EIF3I: variants seen among roughly 807,000 people sequenced by gnomAD.
EIF3I encodes the protein TGF-beta receptor-interacting protein 1.
A neutral mutation model predicts 43.3 loss-of-function variants in EIF3I; 20 were observed. The ratio of observed to expected loss-of-function variants is 0.46; its 90% CI spans 0.32 to 0.67. The LOEUF is 0.67. EIF3I is among the 30% of genes least tolerant of loss of function. The pLI, the probability that EIF3I is intolerant of heterozygous loss-of-function variation, is 0.03. For missense variants in EIF3I, 279 were observed against 421.4 expected (o/e 0.66, Z 2.96); for synonymous variants, 167 against 151.7 (o/e 1.10, Z -0.74).
chr1:32,222,570 C>A, exon 2 of EIF3I: 4 of 1,614,152 alleles, frequency 2.5e-6, no homozygotes, highest in Non-Finnish European at 3.4e-6. Context: ...ATGAGCGGTC[C>A]ATTACGCAGA....
exon 7 of EIF3I, chr1:32,228,548 A>G (rs1182111238): frequency 1.2e-6 from 2 of 1,614,078 alleles, no homozygotes; most frequent in African/African-American, 1.3e-5. Flanking sequence ...CAGATCAACG[A>G]CATCCAGTTA....
chr1:32,229,246 T>G, intron 9 of EIF3I, 38 bp downstream of exon 9: 1 of 1,599,516 alleles, frequency 6.3e-7, no homozygotes, highest in East Asian at 2.2e-5. Flanking sequence ...TAAAATCTCA[T>G]GTGGTGTACC....
At chr1:32,228,661 G>A (rs370136849) in intron 7 of EIF3I, 52 bp downstream of exon 7, 1 of 1,605,784 alleles carries the variant, frequency 6.2e-7, no homozygotes, top group African/African-American at 1.3e-5. Flanking sequence ...CGGCTGCACA[G>A]CTCACCCTGC....
intron 4 of EIF3I, 55 bp downstream of exon 4, chr1:32,224,530 G>GT: frequency 3.6e-6 from 5 of 1,375,762 alleles, no homozygotes; most frequent in Non-Finnish European, 4.1e-6. Context: ...CAGTGTACCT[G>GT]TTTGAGTAAA....
downstream of EIF3I, among the ~76,000 whole-genome samples, chr1:32,233,626 T>C (rs587707): frequency 0.97 from 148,281 of 152,280 alleles, 72,214 homozygotes; most frequent in East Asian, 1. Flanking sequence ...ATGCTACCGA[T>C]GAGATTGAGA....
intron 2 of EIF3I, 69 bp downstream of exon 2, chr1:32,222,699 A>G (rs1639039558): frequency 6.0e-6 from 9 of 1,506,552 alleles, no homozygotes; most frequent in Non-Finnish European, 8.3e-6. Flanking sequence ...TGGACACGCC[A>G]GTTTTGCCGT....
At chr1:32,226,302 C>A in exon 5 of EIF3I, 2 of 1,614,008 alleles carry the variant, frequency 1.2e-6, no homozygotes, top group East Asian at 2.2e-5. Flanking sequence ...TTTTGACCTG[C>A]GGGATCCGAG....
At position 32,231,114 on chromosome 1, in the gene EIF3I, G is replaced by C; in HGVS notation, c.1008-1G>C. Reference sequence around the variant, plus strand: ...ACTGGTGCCTGGCTATCTTTTTCCAGCTACAGCAGCGGCGGCGAAGATGGT... The same window carrying C: ...ACTGGTGCCTGGCTATCTTTTTCCACCTACAGCAGCGGCGGCGAAGATGGT... On this transcript the variant is annotated splice_acceptor_variant, in intron 11 of 11. Transcript: ENST00000676679. LOFTEE classifies it high-confidence loss of function. 1 of 1,614,096 alleles carries C rather than the reference G, an allele frequency of 6.2e-7. No homozygotes were observed.
chr1:32,226,610 A>G, intron 6 of EIF3I, 80 bp downstream of exon 6: 1 of 1,348,480 alleles, frequency 7.4e-7, no homozygotes, highest in Non-Finnish European at 9.6e-7. Flanking sequence ...TCTGTTGCCC[A>G]GGCTGGAGTG....
intron 2 of EIF3I, among the ~76,000 whole-genome samples, chr1:32,223,690 T>G (rs1373088927): frequency 2.6e-5 from 4 of 152,204 alleles, no homozygotes; most frequent in Non-Finnish European, 5.9e-5. Flanking sequence ...CCAGACTTCC[T>G]TACTACCAGC....
intron 11 of EIF3I, 42 bp from the exon 11 acceptor site, chr1:32,231,073 C>G: frequency 6.2e-7 from 1 of 1,613,854 alleles, no homozygotes; most frequent in Non-Finnish European, 8.5e-7. Context: ...TCTGCCTTTC[C>G]CAGAGTAAGC....
downstream of EIF3I, chr1:32,234,353 A>G (rs1333734122): frequency 1.3e-5 from 2 of 151,306 alleles, no homozygotes; most frequent in East Asian, 1.9e-4. Context: ...CAGGTATCCA[A>G]CCCTTTCCTG....
chr1:32,231,232 C>T, exon 12 of EIF3I: 1 of 1,595,096 alleles, frequency 6.3e-7, no homozygotes, highest in Non-Finnish European at 8.6e-7. Context: ...GTGGCTCATG[C>T]CTGTAATCCC....
chr1:32,228,576 G>A, exon 7 of EIF3I: 1 of 1,614,200 alleles, frequency 6.2e-7, no homozygotes, highest in Non-Finnish European at 8.5e-7. Flanking sequence ...ACATGACCAT[G>A]TTTGTGACCG....
downstream of EIF3I, chr1:32,231,475 G>A: frequency 7.7e-6 from 2 of 258,884 alleles, no homozygotes; most frequent in South Asian, 5.9e-5. Context: ...TGAGCCACAA[G>A]AGCAAAACTC....
intron 6 of EIF3I, among the ~76,000 whole-genome samples, 168 bp from the exon 7 acceptor site, chr1:32,228,331 A>G (rs1301463390): frequency 6.6e-6 from 1 of 152,208 alleles, no homozygotes; most frequent in Non-Finnish European, 1.5e-5. Context: ...TAGGATGTAC[A>G]TTACTGGACA....
Position 32,231,208 on chromosome 1 carries a change from T to G in EIF3I, c.*12T>G, listed in dbSNP as rs765105798. On this transcript the variant is annotated 3_prime_UTR_variant, in exon 12 of 12. Coordinates refer to ENST00000676679, the Ensembl canonical transcript of EIF3I. ...AGTTTGAGGCTTAAGAAGCTGGATC[T>G]CCTGCCGGGCGTGGTGGCTCATGCC... The G allele has an allele frequency of 2.5e-6, 4 of 1,613,318 alleles. No homozygotes were observed. The South Asian group carries it at 4.4e-5, about 18-fold the overall frequency.
At chr1:32,227,000 T>G (rs1446590851) in intron 6 of EIF3I, among the ~76,000 whole-genome samples, 1 of 151,388 alleles carries the variant, frequency 6.6e-6, no homozygotes, top group Non-Finnish European at 1.5e-5. Flanking sequence ...GCCTGGGTAA[T>G]TTTTGTATTT....
chr1:32,228,709 C>T lies in EIF3I; in HGVS notation c.640-18C>T, dbSNP rs1156901654. The T allele has an allele frequency of 1.9e-6, 3 of 1,610,750 alleles. No individual in the cohort carries two copies. The African/African-American group carries it at 4.0e-5, about 22-fold the overall frequency. ...AGGAAAGCTCTTTACAGATTTCCCC[C>T]CTGCCTTCTCTCTCCAGCTTTTTGA... is the stretch of plus-strand genomic sequence containing the variant. On this transcript the variant is annotated intron_variant, in intron 7 of 11. Transcript: ENST00000676679.
Sources: allele counts gnomAD v4.1 joint callset (sites outside exome capture counted in the v4.1 genomes callset), GRCh38; gene constraint gnomAD v4.1.1; transcripts MANE v1.5; gene names NCBI Gene and HGNC (gene_info 2026-07-23, HGNC 2026-07-21).